Variants in LRRC31 observed in about 807,000 individuals in gnomAD.
LRRC31 encodes leucine rich repeat containing 31, also known as leucine-rich repeat-containing protein 31.
Under a neutral mutation model 46.7 loss-of-function variants are expected in LRRC31, and 35 were observed. The observed-to-expected ratio is 0.75, with a 90% confidence interval of 0.57 to 0.99. LRRC31 has a LOEUF of 0.99. Ranked by LOEUF, LRRC31 falls within the 50% of genes least tolerant of loss-of-function variation. LRRC31 has a pLI of 0.00. For missense variants in LRRC31, 613 were observed against 626.1 expected (o/e 0.98, Z 0.22); for synonymous variants, 236 against 235.1 (o/e 1.00, Z -0.03).
chr3:169,851,816 T>C (rs952700779), intron 6 of LRRC31, 30 bp from the exon 7 acceptor site: 9 of 1,609,334 alleles, frequency 5.6e-6, no homozygotes, highest in Admixed American at 1.7e-5. Context: ...TGACATGTTT[T>C]AGGCACCATC....
chr3:169,869,677 G>C lies in LRRC31; in HGVS notation c.131C>G (p.Ser44Cys), dbSNP rs190983691. 4.8e-5 allele frequency: 77 copies of C among 1,610,340 alleles called. 4 individuals are homozygous for C. The Middle Eastern group carries it at 6.6e-4, about 14-fold the overall frequency. The part of the protein sequence containing the change: ...KEDNDLKTSD[S>C]QPSDWIQKTA... The stretch of plus-strand genomic sequence containing the variant: ...CTTCTGTATCCAGTCGCTGGGTTGG[G>C]AATCACTTGTTTTAAGGTCATTGTC... Residue 44 changes from serine (S) to cysteine (C), a missense_variant, in exon 1 of 9, where the codon TCC (serine) becomes TGC (cysteine). Ser to Cys is a moderately radical substitution (Grantham distance 112). Coordinates refer to ENST00000316428, the MANE Select transcript of LRRC31 (RefSeq NM_024727.4).
intron 7 of LRRC31, among the ~76,000 whole-genome samples, chr3:169,848,618 A>G (rs917588124): frequency 6.6e-6 from 1 of 152,068 alleles, no homozygotes; most frequent in African/African-American, 2.4e-5. Context: ...CACCACACCC[A>G]GCTAATTATT....
At chr3:169,867,668 C>T (rs1340524577) in intron 1 of LRRC31, among the ~76,000 whole-genome samples, 1 of 152,134 alleles carries the variant, frequency 6.6e-6, no homozygotes, top group African/African-American at 2.4e-5. Flanking sequence ...ACACCATGCC[C>T]AACTGATAAT....
At chr3:169,849,253 T>A (rs577043931) in intron 7 of LRRC31, among the ~76,000 whole-genome samples, 1 of 152,298 alleles carries the variant, frequency 6.6e-6, no homozygotes, top group South Asian at 2.1e-4. Flanking sequence ...CTTACAGAGA[T>A]CTACATTAAG....
In LRRC31 at chr3:169,840,302, G is replaced by C; in HGVS notation, c.1339C>G (p.Gln447Glu). 1 of 1,614,094 alleles carries C rather than the reference G, an allele frequency of 6.2e-7. No homozygotes were observed. Among genetic ancestry groups the C allele is most frequent in the Non-Finnish European group, 8.5e-7 (1 of 1,180,010 alleles). Residue 447 changes from glutamine to glutamate, a missense_variant, in exon 9 of 9, where the codon CAG becomes GAG. Gln to Glu is a conservative substitution (Grantham distance 29). Transcript: ENST00000316428. ...TGCAGTTTGGCCAGATGACCCGTCT[G>C]TATGACCGATGCTGGAAAACAGAAT... is the stretch of plus-strand genomic sequence containing the variant. ...EDVALLASVI[Q>E]TGHLAKLQKL...
rs911777204 is a variant in LRRC31 at position 169,841,375 on chromosome 3, G to A, written c.1328-1062C>T. ...CTGGTCTTTCAGTCTTTCCTCACAC[G>A]CATGGCTTTCAGATCAAGGAGGATG... On this transcript the variant is annotated intron_variant, in intron 8 of 8. Coordinates refer to ENST00000316428, the MANE Select transcript of LRRC31 (RefSeq NM_024727.4). Among the ~76,000 whole-genome samples, 36 of 152,060 alleles carry A rather than the reference G, an allele frequency of 2.4e-4. 1 individual carries two copies. Among genetic ancestry groups the A allele is most frequent in the African/African-American group, 7.7e-4 (32 of 41,388 alleles).
chr3:169,859,219 T>C (rs1391255426), intron 3 of LRRC31, among the ~76,000 whole-genome samples: 2 of 141,086 alleles, frequency 1.4e-5, no homozygotes, highest in African/African-American at 5.3e-5. Context: ...CACTTGAACC[T>C]GGGAGGCAGA....
chr3:169,869,884 A>G lies in LRRC31; in HGVS notation c.-77T>C. On this transcript the variant is annotated 5_prime_UTR_variant, in exon 1 of 9. Coordinates refer to ENST00000316428, the MANE Select transcript of LRRC31 (RefSeq NM_024727.4). The stretch of plus-strand genomic sequence containing the variant: ...GTTTTCTAGGATTTCTAAGAAGAAA[A>G]GAAGATTCTGTCAAGCCTGTGTTCA... 1 of 1,357,486 alleles carries G rather than the reference A, an allele frequency of 7.4e-7. No individual in the cohort carries two copies. The highest frequency in any genetic ancestry group is 2.4e-5 in the East Asian group (1 of 41,880). The allele number at this position is 1,357,486 out of a possible 1,614,324, so 84.1% of individuals were successfully genotyped here.
intron 2 of LRRC31, 104 bp downstream of exon 2, chr3:169,861,566 T>A: frequency 2.7e-6 from 3 of 1,104,738 alleles, no homozygotes; most frequent in South Asian, 1.6e-5. Flanking sequence ...CTGGGACCAC[T>A]CAGCAGACTT....
At chr3:169,840,585 G>C (rs9831336) in intron 8 of LRRC31, among the ~76,000 whole-genome samples, 44,269 of 151,656 alleles carry the variant, frequency 0.29, 6,923 homozygotes, top group East Asian at 0.62. Context: ...ACTGAAGTCC[G>C]AGCTCTTCCT....
chr3:169,841,182 C>T (rs766211047), intron 8 of LRRC31, among the ~76,000 whole-genome samples: 16 of 152,204 alleles, frequency 1.1e-4, no homozygotes, highest in Non-Finnish European at 2.2e-4. Flanking sequence ...CAGCTCCTAG[C>T]GGGAGGAAGC....
intron 5 of LRRC31, among the ~76,000 whole-genome samples, 197 bp downstream of exon 5, chr3:169,856,139 T>C (rs1014581229): frequency 1.3e-5 from 2 of 152,038 alleles, no homozygotes; most frequent in Admixed American, 1.3e-4. Context: ...TGCCTCAGCC[T>C]CCCAAAGTGC....
chr3:169,860,218 T>C (rs1301123411), intron 3 of LRRC31, among the ~76,000 whole-genome samples: 1 of 151,888 alleles, frequency 6.6e-6, no homozygotes, highest in Non-Finnish European at 1.5e-5. Flanking sequence ...TGTTCTTTTT[T>C]TTCTTTTCTT....
chr3:169,856,089 G>A (rs568779768), intron 5 of LRRC31, among the ~76,000 whole-genome samples: 67 of 151,564 alleles, frequency 4.4e-4, no homozygotes, highest in Middle Eastern at 3.4e-3. Flanking sequence ...CACCATGTTG[G>A]CCAGGCTGGT....
In LRRC31 at chr3:169,869,827, G is replaced by T; in HGVS notation, c.-20C>A. The T allele has an allele frequency of 6.3e-7, 1 of 1,592,354 alleles. No homozygotes were observed. ...ACTCATGGTGAAGTTGATGGGGGTAGTTCCCAATAAGACATCTTCCTGTTG... is the reference window on the plus strand; with the variant it reads ...ACTCATGGTGAAGTTGATGGGGGTATTTCCCAATAAGACATCTTCCTGTTG... On this transcript the variant is annotated 5_prime_UTR_variant, in exon 1 of 9. Transcript: ENST00000316428.
intron 1 of LRRC31, among the ~76,000 whole-genome samples, chr3:169,865,017 C>A (rs1426168292): frequency 6.6e-6 from 1 of 151,312 alleles, no homozygotes; most frequent in South Asian, 2.1e-4. Context: ...GCAGAGGTTG[C>A]GTGAGCCGAG....
chr3:169,858,514 T>C (rs867197634), intron 3 of LRRC31, among the ~76,000 whole-genome samples: 2 of 152,250 alleles, frequency 1.3e-5, no homozygotes, highest in African/African-American at 2.4e-5. Context: ...AAGGTGGTTT[T>C]AGATGACAGA....
chr3:169,854,537 A>T (rs912815880), intron 6 of LRRC31, among the ~76,000 whole-genome samples: 1 of 152,170 alleles, frequency 6.6e-6, no homozygotes, highest in Non-Finnish European at 1.5e-5. Context: ...ACACTAAGAG[A>T]TTTATTTCTA....
At chr3:169,840,381 C>T (rs1437879373) in intron 8 of LRRC31, 68 bp from the exon 9 acceptor site, 3 of 1,460,592 alleles carry the variant, frequency 2.1e-6, no homozygotes, top group Non-Finnish European at 2.9e-6. Context: ...TTCCCATTTC[C>T]CATAACACTA....
Sources: gnomAD v4.1 joint callset for allele counts (sites outside exome capture counted in the v4.1 genomes callset) on GRCh38, gnomAD v4.1.1 for gene constraint, MANE v1.5 for transcripts, NCBI Gene and HGNC (gene_info 2026-07-23, HGNC 2026-07-21) for gene names.